The following SRGAP1 variants were observed in gnomAD, a reference collection of about 807,000 sequenced individuals.
The protein encoded by SRGAP1 is SLIT-ROBO Rho GTPase activating protein 1, also known as SLIT-ROBO Rho GTPase-activating protein 1.
Under a neutral mutation model 121.9 loss-of-function variants are expected in SRGAP1, and 43 were observed. The observed-to-expected ratio is 0.35, with a 90% CI of 0.28 to 0.46. The LOEUF (loss-of-function observed/expected upper bound fraction) is 0.46. Ranked by LOEUF, SRGAP1 falls within the 20% of genes least tolerant of loss-of-function variation. SRGAP1 has a pLI of 1.00. For synonymous variants in SRGAP1, 447 were observed against 485.4 expected, an observed-to-expected ratio of 0.92 and a Z score of 1.04; for missense variants, 1,102 against 1,350.9, an observed-to-expected ratio of 0.82 and a Z score of 2.89.
chr12:64,065,532 C>G (rs1441391817), intron 8 of SRGAP1, among the ~76,000 whole-genome samples: 1 of 152,084 alleles, frequency 6.6e-6, no homozygotes, highest in Non-Finnish European at 1.5e-5. Context: ...CAAAAATATA[C>G]AATCTTTTGT....
In SRGAP1 at chr12:64,160,128, G is replaced by T. The variant is rs1222823314; in HGVS notation, c.*17456G>T. 1 of 152,164 alleles carries T rather than the reference G, an allele frequency of 6.6e-6. No homozygotes were observed. Among genetic ancestry groups the T allele is most frequent in the Non-Finnish European group, 1.5e-5 (1 of 68,036 alleles). 9.4% of individuals were successfully genotyped at this position (152,164 alleles called of 1,614,324 possible). ...TTAAAGAGGCATTTGACCTGTTTCA[G>T]TATGGATAAGTTGTTCTCTAAGTCT... On this transcript the variant is annotated 3_prime_UTR_variant, in exon 22 of 22. Transcript: ENST00000355086.
At position 64,125,989 on chromosome 12, in the gene SRGAP1, T is replaced by C. The variant is rs1592345420; in HGVS notation, c.2237T>C (p.Ile746Thr). 11 of 1,613,942 alleles carry C rather than the reference T, an allele frequency of 6.8e-6. No homozygotes were observed. In the East Asian group the frequency reaches 1.6e-4, roughly 23 times the overall value. Residue 746 changes from isoleucine to threonine, a missense_variant, in exon 19 of 22, where the codon ATA becomes ACA. Ile to Thr is a moderately conservative substitution (Grantham distance 89). Around this residue, in one of 3 missense-constraint regions of SRGAP1, gnomAD observed 747 missense variants for 929.4 expected, o/e 0.80. Transcript: ENST00000355086. Reference sequence around the variant, plus strand: ...GTGTTCGTTGTAGAATGTGAGCCAATAGAAGCAATAGCCAAGTTTGACTAT... The same window carrying C: ...GTGTTCGTTGTAGAATGTGAGCCAACAGAAGCAATAGCCAAGTTTGACTAT... ...PHTSEDECEP[I>T]EAIAKFDYVG...
intron 18 of SRGAP1, among the ~76,000 whole-genome samples, chr12:64,123,300 T>C (rs2036631798): frequency 6.6e-6 from 1 of 152,182 alleles, no homozygotes; most frequent in Admixed American, 6.5e-5. Context: ...TGAGCAATGA[T>C]TGTGCTACTA....
chr12:64,160,190 A>G lies in SRGAP1; in HGVS notation c.*17518A>G, dbSNP rs1160156108. On this transcript the variant is annotated 3_prime_UTR_variant, in exon 22 of 22. Coordinates refer to ENST00000355086, the MANE Select transcript of SRGAP1 (RefSeq NM_020762.4). The stretch of plus-strand genomic sequence containing the variant: ...GAGAGCCTAAGATCTCTGGGGACTC[A>G]CTCCACTTTTCTCTTGAGTTGGTTC... 2 of 152,000 alleles carry G rather than the reference A, an allele frequency of 1.3e-5. No homozygotes were observed. Among genetic ancestry groups the G allele is most frequent in the East Asian group, 3.9e-4 (2 of 5,168 alleles). 9.4% of individuals were successfully genotyped at this position (152,000 alleles called of 1,614,324 possible). A position where few individuals can be genotyped will look rare whatever the true frequency, so the allele number is the denominator to read the frequency against.
At chr12:63,885,379 C>G (rs1446630023) in intron 1 of SRGAP1, among the ~76,000 whole-genome samples, 2 of 152,176 alleles carry the variant, frequency 1.3e-5, no homozygotes, top group Admixed American at 1.3e-4. Flanking sequence ...GTAAGGCACG[C>G]AGAGCTTCCA....
At chr12:64,022,998 C>G (rs1369669820) in intron 4 of SRGAP1, among the ~76,000 whole-genome samples, 1 of 152,020 alleles carries the variant, frequency 6.6e-6, no homozygotes, top group Non-Finnish European at 1.5e-5. Context: ...GTGCCTGTCA[C>G]ACGGTAAATG....
intron 1 of SRGAP1, among the ~76,000 whole-genome samples, chr12:63,886,421 G>A (rs1900383691): frequency 6.7e-6 from 1 of 149,402 alleles, no homozygotes; most frequent in African/African-American, 2.6e-5. Context: ...GTTGTAATTT[G>A]AGCCAAAGTA....
chr12:63,919,996 A>G lies in SRGAP1; in HGVS notation c.68-63951A>G, dbSNP rs550810015. On this transcript the variant is annotated intron_variant, in intron 1 of 21. Transcript: ENST00000355086. The stretch of plus-strand genomic sequence containing the variant: ...GTTCCTATTAACACACATATACAGG[A>G]GTTTCTCCATGGCCTATTGCTGGGA... 6.6e-5 allele frequency among the ~76,000 whole-genome samples: 10 copies of G among 152,266 alleles called. No homozygotes were observed. In the South Asian group the frequency reaches 2.1e-3, roughly 32 times the overall value.
At chr12:63,914,483 A>C (rs952888266) in intron 1 of SRGAP1, among the ~76,000 whole-genome samples, 1 of 152,202 alleles carries the variant, frequency 6.6e-6, no homozygotes, top group Non-Finnish European at 1.5e-5. Context: ...TACTACTACA[A>C]TTTAATATTG....
chr12:64,060,928 A>C (rs751236292), intron 6 of SRGAP1, among the ~76,000 whole-genome samples: 16 of 152,170 alleles, frequency 1.1e-4, no homozygotes, highest in Non-Finnish European at 2.2e-4. Context: ...CACTTAATCC[A>C]TGGCCAATTA....
At chr12:64,035,842 C>G (rs572783672) in intron 4 of SRGAP1, among the ~76,000 whole-genome samples, 1 of 152,300 alleles carries the variant, frequency 6.6e-6, no homozygotes, top group Admixed American at 6.5e-5. Flanking sequence ...CACCTATCTG[C>G]TTAGAGCCTG....
At chr12:63,986,202 T>TC (rs1181679929) in intron 2 of SRGAP1, among the ~76,000 whole-genome samples, 6 of 150,104 alleles carry the variant, frequency 4.0e-5, no homozygotes, top group South Asian at 4.3e-4. Context: ...TTTCTCTCTC[T>TC]CCCCCCCGAC....
intron 4 of SRGAP1, among the ~76,000 whole-genome samples, chr12:64,020,361 A>G (rs1001974805): frequency 3.3e-5 from 5 of 152,204 alleles, no homozygotes; most frequent in Admixed American, 6.5e-5. Context: ...ACTTAAAGCA[A>G]AGACAGGATG....
chr12:63,923,723 C>T (rs764259949), intron 1 of SRGAP1, among the ~76,000 whole-genome samples: 1 of 152,152 alleles, frequency 6.6e-6, no homozygotes, highest in Non-Finnish European at 1.5e-5. Context: ...TTGTTAATTT[C>T]AGGAGGAAGT....
At position 64,126,113 on chromosome 12, in the gene SRGAP1, G is replaced by A; in HGVS notation, c.2361G>A (p.Gly787=). Residue 787 remains glycine (G), a synonymous_variant, in exon 19 of 22, where the codon GGG becomes GGA. Coordinates refer to ENST00000355086, the MANE Select transcript of SRGAP1 (RefSeq NM_020762.4). ...SEDWWEGRHN[G]IDGLVPHQYI... is the part of the protein sequence containing the mutation. ...ACTGGTGGGAAGGCAGGCACAACGG[G>A]ATTGACGGGCTGGTGCCTCACCAGT... 6.2e-7 allele frequency: 1 copy of A among 1,614,186 alleles called. No individual in the cohort carries two copies. Among genetic ancestry groups the A allele is most frequent in the South Asian group, 1.1e-5 (1 of 91,076 alleles).
chr12:63,997,613 A>G (rs566271101), intron 3 of SRGAP1, among the ~76,000 whole-genome samples: 1 of 152,288 alleles, frequency 6.6e-6, no homozygotes, highest in Non-Finnish European at 1.5e-5. Flanking sequence ...AACAAGTTGT[A>G]TAATAAAACA....
At chr12:64,111,152 T>C (rs1452098708) in intron 16 of SRGAP1, among the ~76,000 whole-genome samples, 3 of 152,206 alleles carry the variant, frequency 2.0e-5, no homozygotes, top group Non-Finnish European at 4.4e-5. Flanking sequence ...AAGCCTTGCA[T>C]AGAATAAGAG....
chr12:64,047,299 CT>C (rs1565655801), intron 6 of SRGAP1, among the ~76,000 whole-genome samples: 1 of 152,058 alleles, frequency 6.6e-6, no homozygotes, highest in Admixed American at 6.6e-5. Flanking sequence ...AAAATGGTTG[CT>C]TATTTTGTAG....
At chr12:63,925,643 A>C (rs1245212178) in intron 1 of SRGAP1, among the ~76,000 whole-genome samples, 3 of 152,232 alleles carry the variant, frequency 2.0e-5, no homozygotes, top group African/African-American at 7.2e-5. Flanking sequence ...AAAGTAGAAA[A>C]AGGAATAAAG....
Sources: allele counts gnomAD v4.1 joint callset (sites outside exome capture counted in the v4.1 genomes callset), GRCh38; gene constraint gnomAD v4.1.1; regional missense constraint gnomAD v4.1.1; transcripts MANE v1.5; gene names NCBI Gene and HGNC (gene_info 2026-07-23, HGNC 2026-07-21).